The following MDFIC variants were observed in gnomAD, a reference collection of about 807,000 sequenced individuals.
The protein encoded by MDFIC is myoD family inhibitor domain-containing protein.
In MDFIC, 17 loss-of-function variants were observed where a neutral mutation model predicts 23.2. The ratio of observed to expected loss-of-function variants is 0.73; its 90% CI spans 0.50 to 1.10. The LOEUF (loss-of-function observed/expected upper bound fraction) is 1.10, where lower values mean the gene tolerates loss of function less well. MDFIC is among the 50% of genes least tolerant of loss of function. The pLI, the probability that MDFIC is intolerant of heterozygous loss-of-function variation, is 0.00. For missense variants in MDFIC, 356 were observed against 316.6 expected, an observed-to-expected ratio of 1.12 and a Z score of -0.95; for synonymous variants, 120 against 115.2, an observed-to-expected ratio of 1.04 and a Z score of -0.27.
In MDFIC at chr7:114,935,224, A is replaced by G. The variant is rs190206795; in HGVS notation, c.95-7051A>G. On this transcript the variant is annotated intron_variant, in intron 2 of 4. Transcript: ENST00000393486. Reference sequence around the variant, plus strand: ...ATTGTTTAAAGCAAGTTTGTTATACATAAGGGAGGTATGAATACAAATTGC... The same window carrying G: ...ATTGTTTAAAGCAAGTTTGTTATACGTAAGGGAGGTATGAATACAAATTGC... Among the ~76,000 whole-genome samples the G allele has an allele frequency of 6.4e-3, 976 of 152,220 alleles. 7 individuals are homozygous for G. The highest frequency in any genetic ancestry group is 9.2e-3 in the Non-Finnish European group (624 of 67,966).
At chr7:114,974,261 G>GT (rs1483897156) in intron 3 of MDFIC, among the ~76,000 whole-genome samples, 3 of 151,176 alleles carry the variant, frequency 2.0e-5, no homozygotes, top group African/African-American at 7.3e-5. Flanking sequence ...TTTTAAAGCT[G>GT]TTGTATATAT....
At chr7:114,928,504 TG>T (rs1333632443) in intron 2 of MDFIC, among the ~76,000 whole-genome samples, 1 of 152,196 alleles carries the variant, frequency 6.6e-6, no homozygotes, top group African/African-American at 2.4e-5. Flanking sequence ...ATAGCATGGT[TG>T]TAGGACTCAG....
chr7:114,926,415 A>G (rs1449065433), intron 2 of MDFIC, among the ~76,000 whole-genome samples: 2 of 152,188 alleles, frequency 1.3e-5, no homozygotes, highest in Non-Finnish European at 2.9e-5. Flanking sequence ...GTAGAGAATC[A>G]GTTCAACTTT....
Position 115,016,025 on chromosome 7 carries a change from A to T in MDFIC, c.*90A>T. The T allele has an allele frequency of 7.4e-7, 1 of 1,344,670 alleles. No homozygotes were observed. 83.3% of individuals were successfully genotyped at this position (1,344,670 alleles called of 1,614,324 possible). ...AAGCACATTGTAAGATTCTCATGAA[A>T]CAACATGGAATTTGCACTGTTAACT... is the stretch of plus-strand genomic sequence containing the variant. On this transcript the variant is annotated 3_prime_UTR_variant, in exon 5 of 5. Coordinates refer to ENST00000393486, the MANE Select transcript of MDFIC (RefSeq NM_001166345.3).
rs748616808 is a variant in MDFIC, at chr7:114,979,631, C to A, written c.343C>A (p.His115Asn). ...AAATGGAATTCACCACGGGGCCAAACACGGATCCGCAGATAATCGCAAACT... is the reference window on the plus strand; with the variant it reads ...AAATGGAATTCACCACGGGGCCAAAAACGGATCCGCAGATAATCGCAAACT... ...NGNGIHHGAK[H>N]GSADNRKLSA... The change falls in exon 4 of 5, where the codon CAC (histidine) becomes AAC (asparagine). Residue 115 changes from histidine to asparagine, a missense_variant. Transcript: ENST00000393486. 1 of 1,614,072 alleles carries A rather than the reference C, an allele frequency of 6.2e-7. No individual in the cohort carries two copies. The highest frequency in any genetic ancestry group is 1.1e-5 in the South Asian group (1 of 91,080).
chr7:114,973,542 C>T (rs990076076), intron 3 of MDFIC, among the ~76,000 whole-genome samples: 5 of 152,110 alleles, frequency 3.3e-5, no homozygotes, highest in East Asian at 1.9e-4. Flanking sequence ...GGACTAGCCA[C>T]GTACTCAGGA....
At chr7:115,012,916 T>G (rs1585124879) in intron 4 of MDFIC, among the ~76,000 whole-genome samples, 1 of 151,866 alleles carries the variant, frequency 6.6e-6, no homozygotes, top group Non-Finnish European at 1.5e-5. Context: ...GAGGCGGAGG[T>G]TGCAATGAGC....
At chr7:114,970,595 G>T (rs1255305102) in intron 3 of MDFIC, among the ~76,000 whole-genome samples, 1 of 152,086 alleles carries the variant, frequency 6.6e-6, no homozygotes, top group Non-Finnish European at 1.5e-5. Context: ...CTTGACCTGG[G>T]TTGCTGCGCC....
chr7:115,005,757 T>C (rs1263363862), intron 4 of MDFIC, among the ~76,000 whole-genome samples: 1 of 152,222 alleles, frequency 6.6e-6, no homozygotes, highest in Non-Finnish European at 1.5e-5. Context: ...TATTTATACC[T>C]TATAATTTCA....
chr7:114,957,548 A>G (rs955868395), intron 3 of MDFIC, among the ~76,000 whole-genome samples: 2 of 152,214 alleles, frequency 1.3e-5, no homozygotes, highest in African/African-American at 4.8e-5. Flanking sequence ...ATATAAATTC[A>G]TATGGTATCA....
At chr7:115,014,377 A>G (rs1288896669) in intron 4 of MDFIC, 1 of 1,286,776 alleles carries the variant, frequency 7.8e-7, no homozygotes, top group Non-Finnish European at 1.0e-6. Flanking sequence ...GTTATATGGC[A>G]TTCTATAGAG....
intron 4 of MDFIC, 58 bp from the exon 5 acceptor site, chr7:115,015,630 C>A: frequency 6.4e-7 from 1 of 1,572,620 alleles, no homozygotes; most frequent in Non-Finnish European, 8.7e-7. Flanking sequence ...ATTGATAACA[C>A]GTATTTTGTG....
intron 2 of MDFIC, among the ~76,000 whole-genome samples, chr7:114,929,671 A>G (rs1403094359): frequency 3.9e-5 from 6 of 152,208 alleles, no homozygotes; most frequent in East Asian, 1.9e-4. Flanking sequence ...TGGTGGATAC[A>G]AAAGATGAAA....
At chr7:114,971,007 G>A (rs972972407) in intron 3 of MDFIC, among the ~76,000 whole-genome samples, 3 of 152,114 alleles carry the variant, frequency 2.0e-5, no homozygotes, top group African/African-American at 7.2e-5. Flanking sequence ...AAATTTATTT[G>A]CACATTGCTG....
chr7:115,007,662 A>T (rs1791598861), intron 4 of MDFIC, among the ~76,000 whole-genome samples: 1 of 139,060 alleles, frequency 7.2e-6, no homozygotes, highest in Non-Finnish European at 1.5e-5. Flanking sequence ...ATATATTTAT[A>T]TTTCCTGGAA....
chr7:114,923,172 A>G, intron 2 of MDFIC, 45 bp downstream of exon 2: 1 of 1,527,782 alleles, frequency 6.5e-7, no homozygotes, highest in Non-Finnish European at 8.8e-7. Flanking sequence ...TCATTGTTGC[A>G]TTTTTCAGTT....
At position 115,015,927 on chromosome 7, in the gene MDFIC, C is replaced by T. The variant is rs145223906; in HGVS notation, c.733C>T (p.Pro245Ser). ...TATGGAATGCTGTGGAATTTGTTTT[C>T]CTTCATAAATATTTATCTTTTGTTT... is the stretch of plus-strand genomic sequence containing the variant. ...ICMECCGICF[P>S]S The change falls in exon 5 of 5, where the codon CCT becomes TCT. Residue 245 changes from proline to serine, a missense_variant. Transcript: ENST00000393486. The T allele has an allele frequency of 3.4e-5, 55 of 1,611,382 alleles. No homozygotes were observed. Among genetic ancestry groups the T allele is most frequent in the Non-Finnish European group, 4.5e-5 (53 of 1,178,434 alleles).
chr7:114,973,313 G>T (rs886989558), intron 3 of MDFIC, among the ~76,000 whole-genome samples: 1 of 152,084 alleles, frequency 6.6e-6, no homozygotes, highest in African/African-American at 2.4e-5. Flanking sequence ...CTGCCATACA[G>T]ATTCCTTTTG....
chr7:115,003,573 G>C (rs1396465205), intron 4 of MDFIC, among the ~76,000 whole-genome samples: 1 of 152,042 alleles, frequency 6.6e-6, no homozygotes, highest in Non-Finnish European at 1.5e-5. Context: ...TGACCCCACT[G>C]GCACTATATT....
Sources: allele counts gnomAD v4.1 joint callset (sites outside exome capture counted in the v4.1 genomes callset), GRCh38; gene constraint gnomAD v4.1.1; transcripts MANE v1.5; gene names NCBI Gene and HGNC (gene_info 2026-07-23, HGNC 2026-07-21).